ZEB1: variants seen among roughly 807,000 people sequenced by gnomAD.
The protein encoded by ZEB1 is zinc finger E-box binding homeobox 1, also known as zinc finger E-box-binding homeobox 1.
In ZEB1, 21 loss-of-function variants were observed where a neutral mutation model predicts 84.9. That is an observed-to-expected ratio of 0.25 (90% CI 0.18 to 0.36). ZEB1 has a LOEUF of 0.36. Ranked by LOEUF, ZEB1 falls within the 10% of genes least tolerant of loss-of-function variation. The pLI is 1.00. For missense variants in ZEB1, 1,104 were observed against 1,330.2 expected, an observed-to-expected ratio of 0.83 and a Z score of 2.65; for synonymous variants, 420 against 471.1, an observed-to-expected ratio of 0.89 and a Z score of 1.41.
In ZEB1 at chr10:31,520,478, A is replaced by G. The variant is rs1158818141; in HGVS notation, c.1146A>G (p.Leu382=). ...QNGVFTGGGP[L]QATSSPQGMV... The stretch of plus-strand genomic sequence containing the variant: ...GGGTTTTCACTGGTGGTGGCCCATT[A>G]CAGGCAACCAGTTCTCCTCAGGGCA... The change falls in exon 7 of 9, where the codon TTA becomes TTG. Residue 382 remains leucine, a synonymous_variant. Transcript: ENST00000424869. The surrounding 1 kb of genome is among the most constrained non-coding windows in gnomAD (Gnocchi z 5.1). 2 of 1,614,018 alleles carry G rather than the reference A, an allele frequency of 1.2e-6. No homozygotes were observed. Among genetic ancestry groups the G allele is most frequent in the East Asian group, 2.2e-5 (1 of 44,862 alleles).
Position 31,521,404 on chromosome 10 carries a change from C to G in ZEB1, c.2072C>G (p.Pro691Arg), listed in dbSNP as rs768288824. Residue 691 changes from proline (P) to arginine (R), a missense_variant, in exon 7 of 9, where the codon CCA becomes CGA. By Grantham distance (103) the Pro-to-Arg change is moderately radical. Coordinates refer to ENST00000424869, the MANE Select transcript of ZEB1 (RefSeq NM_001174096.2). Reference sequence around the variant, plus strand: ...AAGATGACTAACTCCCCAGTTTTACCAGTGGGATCAACCACCAATGGTTCC... The same window carrying G: ...AAGATGACTAACTCCCCAGTTTTACGAGTGGGATCAACCACCAATGGTTCC... ...PLKMTNSPVL[P>R]VGSTTNGSRS... 6.2e-7 allele frequency: 1 copy of G among 1,614,064 alleles called. No individual in the cohort carries two copies. The highest frequency in any genetic ancestry group is 8.5e-7 in the Non-Finnish European group (1 of 1,180,006).
chr10:31,494,104 G>A (rs928271446), intron 2 of ZEB1, among the ~76,000 whole-genome samples: 2 of 151,788 alleles, frequency 1.3e-5, no homozygotes, highest in Non-Finnish European at 2.9e-5. Context: ...ACAATAATCA[G>A]TAACTATATT....
intron 1 of ZEB1, among the ~76,000 whole-genome samples, chr10:31,409,938 A>G (rs985746158): frequency 9.9e-5 from 15 of 152,208 alleles, no homozygotes; most frequent in Admixed American, 8.5e-4. Flanking sequence ...CTAAATATGC[A>G]ATCATGTCAT....
At chr10:31,353,017 A>G (rs190522782) in intron 1 of ZEB1, among the ~76,000 whole-genome samples, 20 of 152,326 alleles carry the variant, frequency 1.3e-4, no homozygotes, top group Non-Finnish European at 2.4e-4. Flanking sequence ...CCATTACCAC[A>G]TTTCAGAAAC....
At chr10:31,329,923 G>T (rs1270145025) in intron 1 of ZEB1, among the ~76,000 whole-genome samples, 1 of 152,086 alleles carries the variant, frequency 6.6e-6, no homozygotes, top group Non-Finnish European at 1.5e-5. Context: ...AGTTGTAAGA[G>T]TTCTTTGTAT....
chr10:31,440,573 A>G (rs1235180495), intron 1 of ZEB1, among the ~76,000 whole-genome samples: 1 of 152,136 alleles, frequency 6.6e-6, no homozygotes, highest in South Asian at 2.1e-4. Context: ...CAGGCAGGAG[A>G]AGGAAATAAA....
At chr10:31,437,634 A>G (rs1216442777) in intron 1 of ZEB1, among the ~76,000 whole-genome samples, 1 of 152,172 alleles carries the variant, frequency 6.6e-6, no homozygotes, top group East Asian at 1.9e-4. Flanking sequence ...CCAGAAAGGA[A>G]GTCTCCTAGT....
chr10:31,408,340 A>G (rs912864952), intron 1 of ZEB1, among the ~76,000 whole-genome samples: 13 of 151,520 alleles, frequency 8.6e-5, no homozygotes, highest in Admixed American at 7.2e-4. Flanking sequence ...TACAGATTCA[A>G]TGCCATCCCC....
chr10:31,472,898 T>C (rs1173018062), intron 2 of ZEB1, among the ~76,000 whole-genome samples: 1 of 124,926 alleles, frequency 8.0e-6, no homozygotes, highest in Non-Finnish European at 1.5e-5. Flanking sequence ...GCAAGGCTGG[T>C]TCAATATACC....
At chr10:31,320,089 C>T (rs910918410) in intron 1 of ZEB1, 2 of 151,698 alleles carry the variant, frequency 1.3e-5, no homozygotes, top group African/African-American at 4.8e-5. Flanking sequence ...CCCCTCCTCC[C>T]TGGCGCCTCC....
intron 1 of ZEB1, among the ~76,000 whole-genome samples, chr10:31,387,460 A>G (rs1380106508): frequency 6.6e-6 from 1 of 152,222 alleles, no homozygotes; most frequent in African/African-American, 2.4e-5. Context: ...CTGGGGATGT[A>G]TGGATATTTT....
In ZEB1 at chr10:31,474,650, C is replaced by T. The variant is rs994020946; in HGVS notation, c.259+13413C>T. Among the ~76,000 whole-genome samples the T allele has an allele frequency of 1.8e-3, 271 of 152,198 alleles. 1 individual carries two copies. Among genetic ancestry groups the T allele is most frequent in the African/African-American group, 5.5e-3 (229 of 41,502 alleles). ...AGTTCAACCATTGTGGAAGTCAGTG[C>T]GGCGATTCCTCAGGGATCTAGAACT... On this transcript the variant is annotated intron_variant, in intron 2 of 8. Transcript: ENST00000424869.
chr10:31,321,122 C>T (rs1469518010), intron 1 of ZEB1: 20 of 1,022,552 alleles, frequency 2.0e-5, no homozygotes, highest in Non-Finnish European at 2.3e-5. Flanking sequence ...CCACCCCCCG[C>T]GCCTGGGCTC....
chr10:31,378,029 G>A (rs2046971701), intron 1 of ZEB1, among the ~76,000 whole-genome samples: 1 of 150,456 alleles, frequency 6.6e-6, no homozygotes, highest in Non-Finnish European at 1.5e-5. Context: ...CATATATATA[G>A]TATGTATATA....
At chr10:31,323,088 GTTAT>G (rs2034545027) in intron 1 of ZEB1, among the ~76,000 whole-genome samples, 1 of 151,692 alleles carries the variant, frequency 6.6e-6, no homozygotes, top group Non-Finnish European at 1.5e-5. Context: ...ATAAATTTGA[GTTAT>G]TTAAGTCTCT....
At chr10:31,362,479 A>ATGGTG (rs1427235812) in intron 1 of ZEB1, among the ~76,000 whole-genome samples, 2 of 149,746 alleles carry the variant, frequency 1.3e-5, no homozygotes, top group Non-Finnish European at 3.0e-5. Context: ...CACTTCCCAG[A>ATGGTG]CAGGGCGGCG....
chr10:31,403,921 A>G (rs1377697150), intron 1 of ZEB1, among the ~76,000 whole-genome samples: 7 of 152,120 alleles, frequency 4.6e-5, no homozygotes, highest in Non-Finnish European at 1.0e-4. Context: ...TAATAAAAAT[A>G]CATTTTAAAA....
chr10:31,389,129 A>C (rs1422528202), intron 1 of ZEB1, among the ~76,000 whole-genome samples: 2 of 152,122 alleles, frequency 1.3e-5, no homozygotes, highest in Non-Finnish European at 2.9e-5. Flanking sequence ...GAGATCTATG[A>C]GATCTTGCCG....
intron 1 of ZEB1, among the ~76,000 whole-genome samples, chr10:31,374,324 A>C (rs941738572): frequency 2.0e-5 from 3 of 151,764 alleles, no homozygotes; most frequent in African/African-American, 7.2e-5. Context: ...CTCTTGTGAC[A>C]AGCACCCAGC....
Sources: allele counts gnomAD v4.1 joint callset (sites outside exome capture counted in the v4.1 genomes callset), GRCh38; gene constraint gnomAD v4.1.1; non-coding constraint Gnocchi (gnomAD v3.1); transcripts MANE v1.5; gene names NCBI Gene and HGNC (gene_info 2026-07-23, HGNC 2026-07-21).